Variants in KLHL7 observed in about 807,000 individuals in gnomAD.
KLHL7 encodes kelch-like protein 7.
In KLHL7, 44 loss-of-function variants were observed where a neutral mutation model predicts 67.4. That is an observed-to-expected ratio of 0.65 (90% CI 0.51 to 0.84). KLHL7 has a LOEUF of 0.84. Among genes scored for constraint, KLHL7 ranks in the 40% least tolerant of loss-of-function variants. The pLI, the probability that KLHL7 is intolerant of heterozygous loss-of-function variation, is 0.00. For missense variants in KLHL7, 362 were observed against 718.1 expected (o/e 0.50, Z 5.67); for synonymous variants, 252 against 243.3 (o/e 1.04, Z -0.33).
Position 23,105,812 on chromosome 7 carries a change from T to A in KLHL7, c.-215T>A, listed in dbSNP as rs886062216. The A allele has an allele frequency of 1.0e-4, 66 of 645,796 alleles. No homozygotes were observed. Among genetic ancestry groups the A allele is most frequent in the Middle Eastern group, 8.6e-4 (2 of 2,320 alleles). 40.0% of individuals were successfully genotyped at this position (645,796 alleles called of 1,614,324 possible). A position where few individuals can be genotyped will look rare whatever the true frequency, so the allele number is the denominator to read the frequency against. ...GTTCTGCCCGGGGACGCAGCCCAGT[T>A]GGTAGCGTCGCTCCCTGAGCGTTTC... On this transcript the variant is annotated 5_prime_UTR_variant, in exon 1 of 11. Transcript: ENST00000339077.
intron 6 of KLHL7, among the ~76,000 whole-genome samples, chr7:23,146,216 T>A (rs1043779393): frequency 6.6e-6 from 1 of 152,172 alleles, no homozygotes; most frequent in Non-Finnish European, 1.5e-5. Context: ...TATTTTAGAG[T>A]TATCTTGTTT....
At chr7:23,119,873 C>T (rs1012066789) in intron 1 of KLHL7, among the ~76,000 whole-genome samples, 1 of 151,616 alleles carries the variant, frequency 6.6e-6, no homozygotes, top group Non-Finnish European at 1.5e-5. Flanking sequence ...GGCCATTTTA[C>T]TGACTTTTCT....
At chr7:23,113,034 C>G (rs73272048) in intron 1 of KLHL7, among the ~76,000 whole-genome samples, 65,487 of 151,648 alleles carry the variant, frequency 0.43, 15,529 homozygotes, top group African/African-American at 0.64. Context: ...GGGGCAGTTC[C>G]TCTTCCATAA....
intron 4 of KLHL7, among the ~76,000 whole-genome samples, chr7:23,127,875 A>G (rs1176498712): frequency 6.7e-6 from 1 of 149,458 alleles, no homozygotes; most frequent in Middle Eastern, 3.3e-3. Context: ...CTGTCTTGGA[A>G]AAAACAAAAA....
chr7:23,146,013 T>C (rs1354750974), intron 6 of KLHL7, among the ~76,000 whole-genome samples: 1 of 152,236 alleles, frequency 6.6e-6, no homozygotes, highest in African/African-American at 2.4e-5. Context: ...ATTACAGGCA[T>C]GAACCACAGT....
chr7:23,138,062 G>A (rs1029514080), intron 4 of KLHL7, among the ~76,000 whole-genome samples: 2 of 151,858 alleles, frequency 1.3e-5, no homozygotes, highest in Non-Finnish European at 1.5e-5. Flanking sequence ...TGTAATCCCA[G>A]CTACTCAGGA....
At chr7:23,168,173 T>C in intron 9 of KLHL7, 136 bp downstream of exon 9, 2 of 788,520 alleles carry the variant, frequency 2.5e-6, no homozygotes, top group Admixed American at 4.2e-5. Flanking sequence ...TTGAGTGTGC[T>C]AGGGTCAGTG....
chr7:23,110,188 A>C (rs1169087426), intron 1 of KLHL7, among the ~76,000 whole-genome samples: 2 of 152,216 alleles, frequency 1.3e-5, no homozygotes, highest in African/African-American at 4.8e-5. Context: ...CTTTCAGCAG[A>C]TCACCTTCTT....
chr7:23,148,763 T>C lies in KLHL7; in HGVS notation c.794-3304T>C, dbSNP rs143911781. On this transcript the variant is annotated intron_variant, in intron 6 of 10. Coordinates refer to ENST00000339077, the MANE Select transcript of KLHL7 (RefSeq NM_001031710.3). The stretch of plus-strand genomic sequence containing the variant: ...AACTGATTAAGAAACAGGATAGCAG[T>C]ATTATTTCAGAAATTCAACCAAGTG... Among the ~76,000 whole-genome samples the C allele has an allele frequency of 5.0e-3, 759 of 152,350 alleles. 5 individuals are homozygous for C. The highest frequency in any genetic ancestry group is 5.2e-3 in the Non-Finnish European group (351 of 68,026).
intron 9 of KLHL7, among the ~76,000 whole-genome samples, chr7:23,171,906 TC>T (rs1469120852): frequency 1.3e-5 from 2 of 152,224 alleles, no homozygotes; most frequent in Non-Finnish European, 2.9e-5. Flanking sequence ...AGACGGGGTT[TC>T]ACCGTGTTAG....
intron 1 of KLHL7, among the ~76,000 whole-genome samples, chr7:23,107,250 G>A (rs1479729935): frequency 1.3e-5 from 2 of 152,194 alleles, no homozygotes; most frequent in Admixed American, 1.3e-4. Flanking sequence ...TACTGTGAAT[G>A]CCTGAATTCG....
At chr7:23,158,540 T>TA in intron 7 of KLHL7, among the ~76,000 whole-genome samples, 1 of 152,228 alleles carries the variant, frequency 6.6e-6, no homozygotes, top group Non-Finnish European at 1.5e-5. Context: ...GTGATCCAGC[T>TA]ATAAAAGATA....
chr7:23,128,592 T>C (rs1045643298), intron 4 of KLHL7, among the ~76,000 whole-genome samples: 10 of 152,122 alleles, frequency 6.6e-5, no homozygotes, highest in Non-Finnish European at 1.2e-4. Flanking sequence ...GATAAAAATA[T>C]TCTGGAACTA....
At chr7:23,166,282 C>T (rs578170404) in intron 8 of KLHL7, among the ~76,000 whole-genome samples, 12 of 152,122 alleles carry the variant, frequency 7.9e-5, no homozygotes, top group Middle Eastern at 3.4e-3. Context: ...TTTAAGAACT[C>T]GTTACTATAT....
At chr7:23,167,651 C>T (rs1785037587) in intron 8 of KLHL7, among the ~76,000 whole-genome samples, 185 bp from the exon 9 acceptor site, 1 of 152,166 alleles carries the variant, frequency 6.6e-6, no homozygotes, top group South Asian at 2.1e-4. Flanking sequence ...TTTCCAGGGT[C>T]TATACAAACA....
rs1219793543 is a variant in KLHL7 at position 23,124,717 on chromosome 7, G to GTAGA, written c.254_257dup (p.Glu86AspfsTer7). The stretch of plus-strand genomic sequence containing the variant: ...CATGCTTGAATCAAAGTCCTTTGAA[G>GTAGA]TAGAACTCAAAGATGCTGAACCTGA... On this transcript the variant is annotated frameshift_variant, in exon 3 of 11. Coordinates refer to ENST00000339077, the MANE Select transcript of KLHL7 (RefSeq NM_001031710.3). LOFTEE classifies it high-confidence loss of function. 1 of 1,611,276 alleles carries GTAGA rather than the reference G, an allele frequency of 6.2e-7. No individual in the cohort carries two copies. The highest frequency in any genetic ancestry group is 1.1e-5 in the South Asian group (1 of 91,034).
chr7:23,115,778 C>A (rs904131751), intron 1 of KLHL7, among the ~76,000 whole-genome samples: 5 of 151,998 alleles, frequency 3.3e-5, no homozygotes, highest in Admixed American at 2.0e-4. Flanking sequence ...CTCCTGACCT[C>A]GTGATCTGCC....
chr7:23,155,262 G>A (rs570932545), intron 7 of KLHL7, among the ~76,000 whole-genome samples: 2 of 152,230 alleles, frequency 1.3e-5, no homozygotes, highest in African/African-American at 4.8e-5. Flanking sequence ...TGAGGACACC[G>A]GCAATGGCTA....
At chr7:23,121,726 A>G (rs1783353078) in intron 1 of KLHL7, among the ~76,000 whole-genome samples, 2 of 142,694 alleles carry the variant, frequency 1.4e-5, no homozygotes, top group Non-Finnish European at 3.0e-5. Context: ...TCTGTTGCCC[A>G]GGCTGGAGTG....
Sources: gnomAD v4.1 joint callset for allele counts (sites outside exome capture counted in the v4.1 genomes callset) on GRCh38, gnomAD v4.1.1 for gene constraint, MANE v1.5 for transcripts, NCBI Gene and HGNC (gene_info 2026-07-23, HGNC 2026-07-21) for gene names.